ZNF155: variants seen among roughly 807,000 people sequenced by gnomAD.
The protein encoded by ZNF155 is KRAB A domain.
Under a neutral mutation model 11.9 loss-of-function variants are expected in ZNF155, and 15 were observed. The ratio of observed to expected loss-of-function variants is 1.26; its 90% CI spans 0.84 to 1.94. ZNF155 has a LOEUF of 1.94. Among genes scored for constraint, ZNF155 ranks in the 30% most tolerant of loss-of-function variants. The pLI is 0.00. For synonymous variants in ZNF155, 212 were observed against 219.9 expected (o/e 0.96, Z 0.32); for missense variants, 602 against 639.1 (o/e 0.94, Z 0.63).
At chr19:43,995,663 C>T (rs1975825510) in intron 4 of ZNF155, among the ~76,000 whole-genome samples, 1 of 152,126 alleles carries the variant, frequency 6.6e-6, no homozygotes, top group African/African-American at 2.4e-5. Context: ...TGAGCCACCG[C>T]ACCTGGCCTA....
At chr19:43,990,363 T>C (rs1165629916) in intron 2 of ZNF155, among the ~76,000 whole-genome samples, 1 of 152,194 alleles carries the variant, frequency 6.6e-6, no homozygotes, top group Non-Finnish European at 1.5e-5. Context: ...TATGCAGCCA[T>C]GAAATAGATA....
rs2147400715 is a variant in ZNF155 at position 43,996,114 on chromosome 19, T to A, written c.257T>A (p.Leu86Ter). ...ATAGGAGGCAAGATCCAAACTGAGT[T>A]GGAGTCTGTTCCAGAAGCAGGAGCA... Reference protein sequence around the residue: ...GNSGGKIQTELESVPEAGAHE... With the variant: ...GNSGGKIQTE The change falls in exon 5 of 5, where the codon TTG becomes TAG. Residue 86 changes from leucine to a stop codon, truncating the protein, a stop_gained. Transcript: ENST00000270014. LOFTEE classifies it low-confidence loss of function (END_TRUNC). 6.2e-7 allele frequency: 1 copy of A among 1,608,904 alleles called. No individual in the cohort carries two copies. The highest frequency in any genetic ancestry group is 1.7e-5 in the Admixed American group (1 of 59,712).
chr19:43,988,381 A>C (rs1464690576), intron 1 of ZNF155, 78 bp from the exon 2 acceptor site: 2 of 532,124 alleles, frequency 3.8e-6, no homozygotes, highest in Non-Finnish European at 3.1e-6. Flanking sequence ...GGTTGTGTGC[A>C]GTTTGGGTTT....
chr19:43,992,911 C>G (rs1975714849), intron 4 of ZNF155, among the ~76,000 whole-genome samples: 1 of 152,266 alleles, frequency 6.6e-6, no homozygotes, highest in Admixed American at 6.5e-5. Context: ...GTGGAAACTT[C>G]TAAGCATTGT....
At position 43,997,184 on chromosome 19, in the gene ZNF155, C is replaced by A. The variant is rs1489098527; in HGVS notation, c.1327C>A (p.Leu443Ile). Reference sequence around the variant, plus strand: ...GAAGGGCTATGTTACTAAGTTTAATCTTGACTTGCACCAGAGGGTCCACAC... The same window carrying A: ...GAAGGGCTATGTTACTAAGTTTAATATTGACTTGCACCAGAGGGTCCACAC... ...CGKGYVTKFN[L>I]DLHQRVHTGE... The change falls in exon 5 of 5, where the codon CTT becomes ATT. Residue 443 changes from leucine (L) to isoleucine (I), a missense_variant. Leu to Ile is a conservative substitution (Grantham distance 5). Transcript: ENST00000270014. 6.2e-7 allele frequency: 1 copy of A among 1,614,122 alleles called. No individual in the cohort carries two copies. The highest frequency in any genetic ancestry group is 1.1e-5 in the South Asian group (1 of 91,070).
At chr19:43,988,968 C>T in intron 2 of ZNF155, 1 of 156,584 alleles carries the variant, frequency 6.4e-6, no homozygotes, top group East Asian at 1.8e-4. Context: ...ATTCCTATTA[C>T]ATTGATGTAT....
intron 1 of ZNF155, among the ~76,000 whole-genome samples, chr19:43,986,449 G>GTTT (rs869271791): frequency 6.2e-4 from 36 of 58,036 alleles, no homozygotes; most frequent in African/African-American, 1.2e-3. Flanking sequence ...TCCCATTTGT[G>GTTT]TTTTTTTTTT....
chr19:43,989,852 A>G (rs1975591747), intron 2 of ZNF155, among the ~76,000 whole-genome samples: 1 of 152,228 alleles, frequency 6.6e-6, no homozygotes, highest in Non-Finnish European at 1.5e-5. Context: ...AAAATTCAAA[A>G]TCAAAACCTT....
At position 43,996,456 on chromosome 19, in the gene ZNF155, G is replaced by A. The variant is rs542252546; in HGVS notation, c.599G>A (p.Gly200Glu). The change falls in exon 5 of 5, where the codon GGA becomes GAA. Residue 200 changes from glycine to glutamate, a missense_variant. Transcript: ENST00000270014. Reference sequence around the variant, plus strand: ...CATGTTCATCAGAGAGTCCACGTGGGAGAGAAACTCTTTATGTGTGATGTG... The same window carrying A: ...CATGTTCATCAGAGAGTCCACGTGGAAGAGAAACTCTTTATGTGTGATGTG... Reference protein sequence around the residue: ...ALHVHQRVHVGEKLFMCDVCG... With the variant: ...ALHVHQRVHVEEKLFMCDVCG... The A allele has an allele frequency of 1.9e-6, 3 of 1,614,212 alleles. No individual in the cohort carries two copies. Among genetic ancestry groups the A allele is most frequent in the South Asian group, 1.1e-5 (1 of 91,086 alleles).
rs1975941215 is a variant in ZNF155, at chr19:43,997,372, C to A, written c.1515C>A (p.Asp505Glu). 1 of 1,613,652 alleles carries A rather than the reference C, an allele frequency of 6.2e-7. No individual in the cohort carries two copies. The highest frequency in any genetic ancestry group is 1.3e-5 in the African/African-American group (1 of 74,890). Reference sequence around the variant, plus strand: ...CATACCGTAAAGACCAGCCGAGAGACTATAGTGGGGAAAACCCATCCAAAT... The same window carrying A: ...CATACCGTAAAGACCAGCCGAGAGAATATAGTGGGGAAAACCCATCCAAAT... The part of the protein sequence containing the change: ...HRTYRKDQPR[D>E]YSGENPSKCE... The change falls in exon 5 of 5, where the codon GAC becomes GAA. Residue 505 changes from aspartate to glutamate, a missense_variant. By Grantham distance (45) the Asp-to-Glu change is conservative (BLOSUM62 2). Transcript: ENST00000270014.
At position 43,996,549 on chromosome 19, in the gene ZNF155, C is replaced by T. The variant is rs58537897; in HGVS notation, c.692C>T (p.Pro231Leu). Residue 231 changes from proline (P) to leucine (L), a missense_variant, in exon 5 of 5, where the codon CCA becomes CTA. Coordinates refer to ENST00000270014, the MANE Select transcript of ZNF155 (RefSeq NM_198089.3). ...CAGAGAGTCCACACTGGAGAGAAACCATTCAAATGTGAGCAATGTGGGAAA... is the reference window on the plus strand; with the variant it reads ...CAGAGAGTCCACACTGGAGAGAAACTATTCAAATGTGAGCAATGTGGGAAA... ...THQRVHTGEK[P>L]FKCEQCGKGF... 0.018 allele frequency: 29,004 copies of T among 1,614,112 alleles called. 1,249 individuals are homozygous for T. The highest frequency in any genetic ancestry group is 0.14 in the East Asian group (6,107 of 44,882).
At chr19:43,987,785 A>C (rs1273129809) in intron 1 of ZNF155, among the ~76,000 whole-genome samples, 1 of 152,210 alleles carries the variant, frequency 6.6e-6, no homozygotes, top group Non-Finnish European at 1.5e-5. Flanking sequence ...GTATGGACTC[A>C]GTCTTGTTAA....
At chr19:43,995,444 T>C (rs148385442) in intron 4 of ZNF155, among the ~76,000 whole-genome samples, 183 of 148,926 alleles carry the variant, frequency 1.2e-3, no homozygotes, top group African/African-American at 4.3e-3. Flanking sequence ...GGTCTCGCTC[T>C]GTCACCCAGG....
intron 2 of ZNF155, chr19:43,990,236 T>A (rs1975608941): frequency 1.7e-6 from 1 of 584,028 alleles, no homozygotes; most frequent in Non-Finnish European, 2.9e-6. Context: ...TAAGATGTTC[T>A]TACATCTTGC....
chr19:43,991,125 T>C (rs1433471049), intron 2 of ZNF155, among the ~76,000 whole-genome samples: 1 of 152,184 alleles, frequency 6.6e-6, no homozygotes, highest in Non-Finnish European at 1.5e-5. Context: ...TAAAACTTGT[T>C]AGTTTAGCAA....
At position 43,991,439 on chromosome 19, in the gene ZNF155, C is replaced by T. The variant is rs185244768; in HGVS notation, c.16-109C>T. 2,608 of 1,561,834 alleles carry T rather than the reference C, an allele frequency of 1.7e-3. 4 individuals carry two copies. Among genetic ancestry groups the T allele is most frequent in the Non-Finnish European group, 2.0e-3 (2,298 of 1,148,922 alleles). On this transcript the variant is annotated intron_variant, in intron 2 of 4. Transcript: ENST00000270014. Reference sequence around the variant, plus strand: ...GAAATCTCTAAGTTGACCTACATCCCTCAATACTGAGAACAACTTTCCACT... The same window carrying T: ...GAAATCTCTAAGTTGACCTACATCCTTCAATACTGAGAACAACTTTCCACT...
chr19:43,996,749 T>C lies in ZNF155; in HGVS notation c.892T>C (p.Tyr298His). The change falls in exon 5 of 5, where the codon TAT (tyrosine) becomes CAT (histidine). Residue 298 changes from tyrosine (Y) to histidine (H), a missense_variant. Coordinates refer to ENST00000270014, the MANE Select transcript of ZNF155 (RefSeq NM_198089.3). ...FKCDICGKTF[Y>H]FRSRLKSHSM... ...ATGTGATATATGTGGTAAGACCTTC[T>C]ATTTTAGGTCAAGACTTAAGAGCCA... The C allele has an allele frequency of 1.2e-6, 2 of 1,614,098 alleles. No individual in the cohort carries two copies. The highest frequency in any genetic ancestry group is 1.7e-6 in the Non-Finnish European group (2 of 1,179,996).
At chr19:43,993,907 TAGTA>T (rs1975747389) in intron 4 of ZNF155, among the ~76,000 whole-genome samples, 1 of 152,180 alleles carries the variant, frequency 6.6e-6, no homozygotes, top group African/African-American at 2.4e-5. Flanking sequence ...GCATGAGCCA[TAGTA>T]AGAAGCACAT....
intron 4 of ZNF155, among the ~76,000 whole-genome samples, chr19:43,995,732 G>A (rs1164551412): frequency 6.6e-6 from 1 of 152,042 alleles, no homozygotes; most frequent in Non-Finnish European, 1.5e-5. Context: ...TGTTGATTAA[G>A]TTATTGCTTT....
Sources: gnomAD v4.1 joint callset for allele counts (sites outside exome capture counted in the v4.1 genomes callset) on GRCh38, gnomAD v4.1.1 for gene constraint, MANE v1.5 for transcripts, NCBI Gene and HGNC (gene_info 2026-07-23, HGNC 2026-07-21) for gene names.